PRKG1: variants seen among roughly 807,000 people sequenced by gnomAD.
The protein encoded by PRKG1 is cGMP-dependent protein kinase 1.
A neutral mutation model predicts 88.1 loss-of-function variants in PRKG1; 35 were observed. The ratio of observed to expected loss-of-function variants is 0.40; its 90% confidence interval spans 0.30 to 0.53. PRKG1 has a LOEUF of 0.53. Ranked by LOEUF, PRKG1 falls within the 20% of genes least tolerant of loss-of-function variation. The pLI, the probability that PRKG1 is intolerant of heterozygous loss-of-function variation, is 0.59. For synonymous variants in PRKG1, 303 were observed against 292.5 expected, an observed-to-expected ratio of 1.04 and a Z score of -0.37; for missense variants, 540 against 839.8, an observed-to-expected ratio of 0.64 and a Z score of 4.41.
At chr10:51,481,826 C>T (rs542917213) in intron 3 of PRKG1, among the ~76,000 whole-genome samples, 1 of 151,840 alleles carries the variant, frequency 6.6e-6, no homozygotes, top group African/African-American at 2.4e-5. Context: ...ATTATTTCGC[C>T]TTGAAATGAT....
chr10:51,765,413 T>C (rs1220095043), intron 3 of PRKG1, among the ~76,000 whole-genome samples: 3 of 152,194 alleles, frequency 2.0e-5, no homozygotes, highest in African/African-American at 7.2e-5. Flanking sequence ...AAGCTATCTG[T>C]CCTCCTTTTC....
intron 3 of PRKG1, among the ~76,000 whole-genome samples, chr10:51,759,556 G>A (rs1837965064): frequency 6.6e-6 from 1 of 152,184 alleles, no homozygotes; most frequent in Admixed American, 6.5e-5. Context: ...TTACAGGTGT[G>A]AGACACCACG....
intron 3 of PRKG1, among the ~76,000 whole-genome samples, chr10:51,712,879 T>G (rs1482295290): frequency 2.6e-5 from 4 of 152,270 alleles, no homozygotes. Context: ...GACAGCCATG[T>G]GAATCCAAAC....
At chr10:52,081,309 A>G (rs1191140080) in intron 7 of PRKG1, among the ~76,000 whole-genome samples, 2 of 152,050 alleles carry the variant, frequency 1.3e-5, no homozygotes, top group Non-Finnish European at 2.9e-5. Context: ...AGCTACTTAA[A>G]CCTTCTGACT....
At chr10:52,020,652 C>A (rs1432454760) in intron 5 of PRKG1, among the ~76,000 whole-genome samples, 1 of 152,040 alleles carries the variant, frequency 6.6e-6, no homozygotes, top group African/African-American at 2.4e-5. Flanking sequence ...CATGATTCTT[C>A]CCTTAGGGTG....
rs1226638436 is a variant in PRKG1 at position 52,280,774 on chromosome 10, A to T, written c.1404-15A>T. ...TAATTTTTTATACAATTTTCATTCC[A>T]TTTCTGCACCTCAGAGGTTCGTTTG... On this transcript the variant is annotated splice_polypyrimidine_tract_variant and intron_variant, in intron 12 of 17. Coordinates refer to ENST00000373980, the MANE Select transcript of PRKG1 (RefSeq NM_006258.4). 6.2e-7 allele frequency: 1 copy of T among 1,606,884 alleles called. No individual in the cohort carries two copies. The highest frequency in any genetic ancestry group is 1.3e-5 in the African/African-American group (1 of 74,570).
chr10:51,183,616 G>T (rs1487051043), intron 2 of PRKG1, among the ~76,000 whole-genome samples: 3 of 152,082 alleles, frequency 2.0e-5, no homozygotes, highest in Non-Finnish European at 4.4e-5. Context: ...CAAGATCAAG[G>T]TTATGAAGCT....
chr10:51,503,223 G>A (rs1028150425), intron 3 of PRKG1, among the ~76,000 whole-genome samples: 3 of 152,008 alleles, frequency 2.0e-5, no homozygotes. Context: ...TCCAATGTTT[G>A]TTCCCATAGA....
chr10:51,904,142 C>T (rs1031601445), intron 4 of PRKG1, among the ~76,000 whole-genome samples: 19 of 152,062 alleles, frequency 1.2e-4, no homozygotes, highest in African/African-American at 4.3e-4. Flanking sequence ...TCTGTAACTT[C>T]GGGCCTATTG....
intron 3 of PRKG1, among the ~76,000 whole-genome samples, chr10:51,751,836 T>A (rs1287765125): frequency 6.6e-6 from 1 of 152,166 alleles, no homozygotes; most frequent in African/African-American, 2.4e-5. Context: ...CTCATCATTA[T>A]ATTCTTAGTA....
At chr10:52,024,293 TTATTC>T (rs1318913291) in intron 5 of PRKG1, among the ~76,000 whole-genome samples, 2 of 133,176 alleles carry the variant, frequency 1.5e-5, no homozygotes, top group Non-Finnish European at 3.2e-5. Context: ...ACTTATTTAT[TTATTC>T]ATTTATTTAT....
At chr10:51,763,923 T>G (rs1003663158) in intron 3 of PRKG1, among the ~76,000 whole-genome samples, 2 of 152,122 alleles carry the variant, frequency 1.3e-5, no homozygotes, top group Non-Finnish European at 2.9e-5. Flanking sequence ...AAGCCACCAG[T>G]GCTACTCCCA....
At chr10:52,146,328 G>C (rs192247694) in intron 8 of PRKG1, among the ~76,000 whole-genome samples, 40 of 152,224 alleles carry the variant, frequency 2.6e-4, no homozygotes, top group African/African-American at 9.6e-4. Context: ...TAAATAGTGA[G>C]ATAATTCTGC....
At chr10:51,132,567 T>A (rs1845592886) in intron 1 of PRKG1, among the ~76,000 whole-genome samples, 1 of 151,342 alleles carries the variant, frequency 6.6e-6, no homozygotes, top group Non-Finnish European at 1.5e-5. Context: ...GTAGCTAGAG[T>A]AACTCTGTGA....
chr10:52,137,740 GGT>G (rs1316983954), intron 8 of PRKG1, among the ~76,000 whole-genome samples: 9 of 152,060 alleles, frequency 5.9e-5, no homozygotes, highest in Admixed American at 2.0e-4. Flanking sequence ...ATTCAGTAAA[GGT>G]GTAACCAATG....
chr10:51,100,886 A>G (rs764978559), intron 1 of PRKG1, among the ~76,000 whole-genome samples: 4 of 152,160 alleles, frequency 2.6e-5, no homozygotes, highest in Non-Finnish European at 5.9e-5. Flanking sequence ...GCTTAAACAG[A>G]TTCCTGGGCT....
intron 4 of PRKG1, among the ~76,000 whole-genome samples, chr10:51,827,398 T>C (rs1015138974): frequency 6.6e-6 from 1 of 152,164 alleles, no homozygotes; most frequent in Non-Finnish European, 1.5e-5. Context: ...AAGAACTTGG[T>C]TATGCACAAG....
intron 5 of PRKG1, among the ~76,000 whole-genome samples, chr10:52,039,444 A>T (rs1167752229): frequency 6.6e-6 from 1 of 152,144 alleles, no homozygotes; most frequent in East Asian, 1.9e-4. Context: ...TCATCAGTTA[A>T]GGTGGGGCAG....
chr10:51,727,141 C>G (rs1842151898), intron 3 of PRKG1, among the ~76,000 whole-genome samples: 1 of 151,700 alleles, frequency 6.6e-6, no homozygotes, highest in South Asian at 2.1e-4. Context: ...AAACGAATGT[C>G]TTTTAAAGAA....
Sources: allele counts gnomAD v4.1 joint callset (sites outside exome capture counted in the v4.1 genomes callset), GRCh38; gene constraint gnomAD v4.1.1; transcripts MANE v1.5; gene names NCBI Gene and HGNC (gene_info 2026-07-23, HGNC 2026-07-21).